Variants in NRG3 observed in about 807,000 individuals in gnomAD.
NRG3 encodes the protein pro-neuregulin-3, membrane-bound isoform.
In NRG3, 31 loss-of-function variants were observed where a neutral mutation model predicts 66.9. The observed-to-expected ratio is 0.46, with a 90% CI of 0.35 to 0.63. The LOEUF is 0.63. NRG3 is among the 20% of genes least tolerant of loss of function. The probability of loss-of-function intolerance (pLI) is 0.00; values close to 1 mark genes in which losing one functional copy is unlikely to be tolerated. For synonymous variants in NRG3, 393 were observed against 359.4 expected, an observed-to-expected ratio of 1.09 and a Z score of -1.06; for missense variants, 910 against 878.9, an observed-to-expected ratio of 1.04 and a Z score of -0.45.
At chr10:82,138,512 T>C (rs1013672613) in intron 1 of NRG3, among the ~76,000 whole-genome samples, 30 of 152,284 alleles carry the variant, frequency 2.0e-4, no homozygotes, top group African/African-American at 6.7e-4. Flanking sequence ...ATATGAAGTG[T>C]ATTAGTCAGG....
intron 1 of NRG3, among the ~76,000 whole-genome samples, chr10:81,895,324 G>A (rs959619100): frequency 1.3e-5 from 2 of 152,116 alleles, no homozygotes; most frequent in Non-Finnish European, 2.9e-5. Context: ...CCTTGAAAAT[G>A]TTATATCATA....
intron 1 of NRG3, among the ~76,000 whole-genome samples, chr10:82,135,515 T>C (rs1192435100): frequency 6.6e-6 from 1 of 152,098 alleles, no homozygotes; most frequent in African/African-American, 2.4e-5. Context: ...TTGGTAGATG[T>C]GCTTCATTCT....
rs566240182 is a variant in NRG3 at position 82,880,009 on chromosome 10, C to T, written c.1054+14572C>T. Reference sequence around the variant, plus strand: ...ATGAGAATTGAAGCAGAAGCTTGTGCTGTATTGAAAGTATATTGAATATGG... The same window carrying T: ...ATGAGAATTGAAGCAGAAGCTTGTGTTGTATTGAAAGTATATTGAATATGG... On this transcript the variant is annotated intron_variant, in intron 4 of 8. Coordinates refer to ENST00000372141, the MANE Select transcript of NRG3 (RefSeq NM_001010848.4). Among the ~76,000 whole-genome samples the T allele has an allele frequency of 7.7e-5, 9 of 117,464 alleles. No individual in the cohort carries two copies. In the East Asian group the frequency reaches 2.6e-3, roughly 34 times the overall value. The allele number at this position is 117,464 out of a possible 152,430, so 77.1% of individuals were successfully genotyped here.
chr10:82,808,402 G>A (rs963931531), intron 3 of NRG3, among the ~76,000 whole-genome samples: 4 of 152,010 alleles, frequency 2.6e-5, no homozygotes, highest in Non-Finnish European at 5.9e-5. Context: ...TAAAGGAGTC[G>A]ACTCATTTCA....
rs192572119 is a variant in NRG3, at chr10:82,463,482, C to T, written c.953+104614C>T. 9.9e-5 allele frequency among the ~76,000 whole-genome samples: 15 copies of T among 152,188 alleles called. No individual in the cohort carries two copies. The East Asian group carries it at 1.4e-3, about 14-fold the overall frequency. ...GCTATACAGCAGCAAGTGGAAGGGG[C>T]GTTGTATTTAGAAGCCATGACATGA... On this transcript the variant is annotated intron_variant, in intron 2 of 8. Transcript: ENST00000372141.
chr10:82,678,575 C>T (rs889749206), intron 2 of NRG3, among the ~76,000 whole-genome samples: 1 of 152,156 alleles, frequency 6.6e-6, no homozygotes, highest in Non-Finnish European at 1.5e-5. Context: ...AGCTTGGGCT[C>T]AGAGGCCTGA....
chr10:82,787,044 G>A (rs1460746715), intron 3 of NRG3, among the ~76,000 whole-genome samples: 1 of 152,096 alleles, frequency 6.6e-6, no homozygotes, highest in Admixed American at 6.6e-5. Context: ...CAAATTTTCT[G>A]TTATTATCAG....
intron 2 of NRG3, among the ~76,000 whole-genome samples, chr10:82,661,250 T>A (rs1245114335): frequency 6.6e-6 from 1 of 152,114 alleles, no homozygotes; most frequent in Non-Finnish European, 1.5e-5. Context: ...ACTCAAGTCC[T>A]CTCTCATGGA....
chr10:82,079,829 G>A lies in NRG3; in HGVS notation c.823+203666G>A, dbSNP rs115259942. ...CTGAATAATATTCTGTTGCCTGGAT[G>A]TACCACCAGATATAGGTATCCTATA... On this transcript the variant is annotated intron_variant, in intron 1 of 8. Transcript: ENST00000372141. 4.8e-3 allele frequency among the ~76,000 whole-genome samples: 731 copies of A among 152,222 alleles called. 9 individuals carry two copies. The highest frequency in any genetic ancestry group is 0.017 in the African/African-American group (696 of 41,522).
At chr10:82,695,433 G>A (rs1454359431) in intron 2 of NRG3, among the ~76,000 whole-genome samples, 6 of 151,930 alleles carry the variant, frequency 3.9e-5, no homozygotes, top group East Asian at 1.9e-4. Context: ...TAATAGGATC[G>A]CAGTTTAATA....
intron 2 of NRG3, among the ~76,000 whole-genome samples, chr10:82,723,886 A>G (rs2057444136): frequency 6.6e-6 from 1 of 152,162 alleles, no homozygotes; most frequent in Non-Finnish European, 1.5e-5. Context: ...AGGTTGAGAC[A>G]GGAGAATCAC....
At chr10:81,940,739 G>A (rs762816057) in intron 1 of NRG3, among the ~76,000 whole-genome samples, 54 of 151,576 alleles carry the variant, frequency 3.6e-4, no homozygotes, top group Non-Finnish European at 6.0e-4. Flanking sequence ...CCAATTCCAG[G>A]TATCGTGCAC....
At chr10:82,408,135 G>GAAAGAAAGAA (rs2087758289) in intron 2 of NRG3, among the ~76,000 whole-genome samples, 1 of 143,206 alleles carries the variant, frequency 7.0e-6, no homozygotes, top group African/African-American at 2.5e-5. Context: ...AAGAAAGAAA[G>GAAAGAAAGAA]AAAGAAAGAA....
chr10:82,128,446 TTC>T (rs1464596078), intron 1 of NRG3, among the ~76,000 whole-genome samples: 1 of 152,050 alleles, frequency 6.6e-6, no homozygotes, highest in African/African-American at 2.4e-5. Flanking sequence ...AACTCTTACT[TTC>T]TATATGCCTT....
At chr10:82,496,433 TA>T (rs1374208526) in intron 2 of NRG3, among the ~76,000 whole-genome samples, 1 of 152,178 alleles carries the variant, frequency 6.6e-6, no homozygotes, top group African/African-American at 2.4e-5. Context: ...TTTTCCCATT[TA>T]AAAATTATTT....
chr10:82,751,388 A>C (rs17100729), intron 3 of NRG3, among the ~76,000 whole-genome samples: 13,126 of 152,138 alleles, frequency 0.086, 1,767 homozygotes, highest in African/African-American at 0.29. Context: ...GTGATTATAC[A>C]TGCAGGACAT....
intron 2 of NRG3, among the ~76,000 whole-genome samples, chr10:82,507,347 A>G (rs1374250894): frequency 6.6e-6 from 1 of 152,192 alleles, no homozygotes; most frequent in Non-Finnish European, 1.5e-5. Flanking sequence ...GTGAGGTGAG[A>G]AGAGGAAGCT....
At chr10:81,899,329 A>G (rs938928214) in intron 1 of NRG3, among the ~76,000 whole-genome samples, 1 of 152,218 alleles carries the variant, frequency 6.6e-6, no homozygotes, top group Admixed American at 6.5e-5. Flanking sequence ...GCTACCTTTC[A>G]CCTAACATTT....
At chr10:82,281,197 G>A (rs576006050) in intron 1 of NRG3, among the ~76,000 whole-genome samples, 19 of 152,238 alleles carry the variant, frequency 1.2e-4, no homozygotes, top group South Asian at 8.3e-4. Context: ...TTGCATTGCC[G>A]TAGTGTAGGT....
Sources: allele counts gnomAD v4.1 joint callset (sites outside exome capture counted in the v4.1 genomes callset), GRCh38; gene constraint gnomAD v4.1.1; transcripts MANE v1.5; gene names NCBI Gene and HGNC (gene_info 2026-07-23, HGNC 2026-07-21).